The following ANGPT2 variants were observed in gnomAD, a reference collection of about 807,000 sequenced individuals.
ANGPT2 encodes angiopoietin 2.
In ANGPT2, 28 loss-of-function variants were observed where a neutral mutation model predicts 62.9. The ratio of observed to expected loss-of-function variants is 0.44; its 90% CI spans 0.33 to 0.61. The LOEUF (loss-of-function observed/expected upper bound fraction) is 0.61. Ranked by LOEUF, ANGPT2 falls within the 20% of genes least tolerant of loss-of-function variation. ANGPT2 has a pLI of 0.03. For missense variants in ANGPT2, 727 were observed against 594.9 expected (o/e 1.22, Z -2.31); for synonymous variants, 284 against 207.8 (o/e 1.37, Z -3.15).
At chr8:6,531,580 C>T (rs916296637) in intron 2 of ANGPT2, among the ~76,000 whole-genome samples, 1 of 152,196 alleles carries the variant, frequency 6.6e-6, no homozygotes, top group Non-Finnish European at 1.5e-5. Context: ...GCGTGAGCTA[C>T]TGCGCCTGGC....
Position 6,520,411 on chromosome 8 carries a change from C to A in ANGPT2, c.800-420G>T, listed in dbSNP as rs574456063. Among the ~76,000 whole-genome samples the A allele has an allele frequency of 2.0e-5, 3 of 152,242 alleles. No individual in the cohort carries two copies. In the South Asian group the frequency reaches 6.2e-4, roughly 32 times the overall value. ...ATCTGTATCATGACCCCATTGCCTG[C>A]CCCTTCAGGCCATTATCCCACTGAG... On this transcript the variant is annotated intron_variant, in intron 4 of 8. Transcript: ENST00000629816.
At chr8:6,531,056 T>C (rs1206218986) in intron 2 of ANGPT2, among the ~76,000 whole-genome samples, 2 of 152,204 alleles carry the variant, frequency 1.3e-5, no homozygotes, top group Non-Finnish European at 2.9e-5. Flanking sequence ...TTCAGAAGCA[T>C]GTAAAGAAGC....
At chr8:6,515,511 C>T (rs988769796) in intron 5 of ANGPT2, among the ~76,000 whole-genome samples, 1 of 152,224 alleles carries the variant, frequency 6.6e-6, no homozygotes, top group Non-Finnish European at 1.5e-5. Context: ...TGCTCTTAAA[C>T]TGGCTCTGTG....
intron 1 of ANGPT2, among the ~76,000 whole-genome samples, chr8:6,545,045 C>G (rs979699086): frequency 6.6e-6 from 1 of 152,082 alleles, no homozygotes; most frequent in Admixed American, 6.5e-5. Context: ...AAATGAATGC[C>G]ATCACAGACA....
chr8:6,540,932 C>T (rs1226119481), intron 1 of ANGPT2, among the ~76,000 whole-genome samples: 2 of 152,274 alleles, frequency 1.3e-5, no homozygotes, highest in East Asian at 1.9e-4. Context: ...TGTCTCAGAA[C>T]ATCCACCTGG....
At chr8:6,517,490 A>T (rs954745389) in intron 5 of ANGPT2, among the ~76,000 whole-genome samples, 2 of 152,248 alleles carry the variant, frequency 1.3e-5, no homozygotes, top group Non-Finnish European at 2.9e-5. Flanking sequence ...TTCAAAACTA[A>T]AGCTGCAGTA....
chr8:6,507,228 C>G (rs957905200), intron 8 of ANGPT2, among the ~76,000 whole-genome samples: 5 of 152,112 alleles, frequency 3.3e-5, no homozygotes, highest in Non-Finnish European at 7.4e-5. Context: ...GTAAATGCAT[C>G]ATAACTTGGG....
chr8:6,528,942 ATAT>A (rs1586393243), intron 2 of ANGPT2, among the ~76,000 whole-genome samples: 1 of 152,210 alleles, frequency 6.6e-6, no homozygotes, highest in South Asian at 2.1e-4. Flanking sequence ...TTGGGTTTTA[ATAT>A]TAACACCTGG....
chr8:6,507,190 G>A (rs1015476428), intron 8 of ANGPT2, among the ~76,000 whole-genome samples: 3 of 152,318 alleles, frequency 2.0e-5, no homozygotes, highest in Non-Finnish European at 4.4e-5. Context: ...GGGCCACCAT[G>A]CCCAGCCCTA....
chr8:6,503,374 A>C, intron 8 of ANGPT2, 113 bp from the exon 9 acceptor site: 1 of 1,054,584 alleles, frequency 9.5e-7, no homozygotes. Flanking sequence ...TGGAGTAGGC[A>C]CATGCAGATG....
chr8:6,529,021 C>G (rs1292498136), intron 2 of ANGPT2, among the ~76,000 whole-genome samples: 1 of 152,202 alleles, frequency 6.6e-6, no homozygotes, highest in African/African-American at 2.4e-5. Flanking sequence ...CTAAAAGGAA[C>G]TGGAAAATTG....
At chr8:6,562,546 C>A in intron 1 of ANGPT2, 101 bp downstream of exon 1, 2 of 133,906 alleles carry the variant, frequency 1.5e-5, no homozygotes, top group Non-Finnish European at 2.6e-5. Context: ...CCTCTTCATC[C>A]TCCTTCTTTT....
chr8:6,546,979 T>C (rs1378196916), intron 1 of ANGPT2, among the ~76,000 whole-genome samples: 1 of 152,198 alleles, frequency 6.6e-6, no homozygotes, highest in Non-Finnish European at 1.5e-5. Context: ...CTGTCTTCTT[T>C]CAGGTGAACA....
intron 1 of ANGPT2, among the ~76,000 whole-genome samples, chr8:6,558,379 A>C (rs976996184): frequency 1.3e-5 from 2 of 152,138 alleles, no homozygotes; most frequent in Non-Finnish European, 2.9e-5. Context: ...TATTTTTTAA[A>C]TTACTCCCAT....
At chr8:6,507,513 TTGTTCC>T (rs1248473929) in intron 8 of ANGPT2, 1 of 152,086 alleles carries the variant, frequency 6.6e-6, no homozygotes, top group Non-Finnish European at 1.5e-5. Context: ...TAAGTAGCGT[TTGTTCC>T]TGTCAGTGAA....
intron 7 of ANGPT2, among the ~76,000 whole-genome samples, chr8:6,512,848 A>T (rs987829844): frequency 6.6e-6 from 1 of 152,200 alleles, no homozygotes; most frequent in African/African-American, 2.4e-5. Flanking sequence ...TGTGAATCTG[A>T]TGTATTTCCT....
At chr8:6,504,704 G>C (rs1812926985) in intron 8 of ANGPT2, among the ~76,000 whole-genome samples, 2 of 152,114 alleles carry the variant, frequency 1.3e-5, no homozygotes, top group Admixed American at 1.3e-4. Flanking sequence ...AAGATCTATA[G>C]AAGAACAAAT....
At chr8:6,551,908 G>C (rs1046138353) in intron 1 of ANGPT2, among the ~76,000 whole-genome samples, 1 of 152,162 alleles carries the variant, frequency 6.6e-6, no homozygotes, top group Non-Finnish European at 1.5e-5. Flanking sequence ...AGCTACATCT[G>C]TATGTAATAA....
chr8:6,538,204 A>G (rs755341338), intron 1 of ANGPT2, among the ~76,000 whole-genome samples: 1 of 152,148 alleles, frequency 6.6e-6, no homozygotes, highest in Non-Finnish European at 1.5e-5. Flanking sequence ...AAATAATTTG[A>G]GATTTCCTTG....
Sources: allele counts gnomAD v4.1 joint callset (sites outside exome capture counted in the v4.1 genomes callset), GRCh38; gene constraint gnomAD v4.1.1; transcripts MANE v1.5; gene names NCBI Gene and HGNC (gene_info 2026-07-23, HGNC 2026-07-21).